The following LMBRD1 variants were observed in gnomAD, a reference collection of about 807,000 sequenced individuals.
LMBRD1 encodes the protein LMBR1 domain containing 1.
LMBRD1 carries 64 observed loss-of-function variants against 74.8 expected under a neutral mutation model. The ratio of observed to expected loss-of-function variants is 0.86; its 90% CI spans 0.70 to 1.05. The LOEUF (loss-of-function observed/expected upper bound fraction) is 1.05. Among genes scored for constraint, LMBRD1 ranks in the 50% least tolerant of loss-of-function variants. The probability of loss-of-function intolerance (pLI) is 0.00; values close to 1 mark genes in which losing one functional copy is unlikely to be tolerated. For synonymous variants in LMBRD1, 204 were observed against 216.3 expected, an observed-to-expected ratio of 0.94 and a Z score of 0.50; for missense variants, 652 against 645.9, an observed-to-expected ratio of 1.01 and a Z score of -0.10.
At chr6:69,731,751 A>C (rs1175374007) in intron 7 of LMBRD1, among the ~76,000 whole-genome samples, 1 of 152,130 alleles carries the variant, frequency 6.6e-6, no homozygotes, top group Non-Finnish European at 1.5e-5. Flanking sequence ...TGCATTTTCA[A>C]ACTGAAAATA....
intron 9 of LMBRD1, among the ~76,000 whole-genome samples, chr6:69,707,303 G>A (rs1236277544): frequency 6.6e-6 from 1 of 152,060 alleles, no homozygotes; most frequent in African/African-American, 2.4e-5. Context: ...ATTAGACTGA[G>A]CCCACCTGAA....
At chr6:69,769,819 T>C (rs943440902) in intron 3 of LMBRD1, among the ~76,000 whole-genome samples, 11 of 152,122 alleles carry the variant, frequency 7.2e-5, no homozygotes, top group African/African-American at 2.7e-4. Flanking sequence ...CCTGGCTTCC[T>C]AGGGATTGCT....
rs140084856 is a variant in LMBRD1, at chr6:69,757,034, T to C, written c.308-4678A>G. 3.5e-3 allele frequency among the ~76,000 whole-genome samples: 533 copies of C among 152,314 alleles called. 1 individual carries two copies. The highest frequency in any genetic ancestry group is 0.012 in the African/African-American group (515 of 41,566). ...TACAATAATGATGTTGAGAGAAATA[T>C]TATATGCAGTGATCAAAAACTGGAA... On this transcript the variant is annotated intron_variant, in intron 3 of 15. Coordinates refer to ENST00000649934, the MANE Select transcript of LMBRD1 (RefSeq NM_018368.4).
intron 5 of LMBRD1, among the ~76,000 whole-genome samples, chr6:69,747,126 T>C (rs1207758791): frequency 6.6e-6 from 1 of 151,258 alleles, no homozygotes; most frequent in Non-Finnish European, 1.5e-5. Flanking sequence ...TATTTGGATA[T>C]ACGTCATTTA....
At chr6:69,749,258 T>A in intron 5 of LMBRD1, 83 bp downstream of exon 5, 1 of 1,120,638 alleles carries the variant, frequency 8.9e-7, no homozygotes, top group East Asian at 2.5e-5. Context: ...CTTTCCTAGA[T>A]TTTTCTGAAT....
chr6:69,687,455 G>T (rs1344027622), intron 14 of LMBRD1, among the ~76,000 whole-genome samples: 3 of 152,132 alleles, frequency 2.0e-5, no homozygotes, highest in Admixed American at 6.5e-5. Context: ...CTAGCACCTA[G>T]AATAGTACCT....
At chr6:69,720,967 T>G (rs1219890373) in intron 7 of LMBRD1, among the ~76,000 whole-genome samples, 1 of 152,206 alleles carries the variant, frequency 6.6e-6, no homozygotes, top group Non-Finnish European at 1.5e-5. Flanking sequence ...GACTTTACAC[T>G]GAACTCAGTG....
chr6:69,695,647 A>T (rs1217374517), intron 14 of LMBRD1, among the ~76,000 whole-genome samples: 7 of 151,870 alleles, frequency 4.6e-5, no homozygotes, highest in Admixed American at 6.6e-5. Flanking sequence ...TGTTTTTTTT[A>T]AATTGTTTCT....
chr6:69,783,599 T>G (rs769408901), intron 2 of LMBRD1, among the ~76,000 whole-genome samples: 1 of 152,168 alleles, frequency 6.6e-6, no homozygotes, highest in Non-Finnish European at 1.5e-5. Context: ...GGTCTTGAAC[T>G]CCTGGACTCA....
intron 7 of LMBRD1, among the ~76,000 whole-genome samples, chr6:69,727,765 AAAG>A (rs1373812181): frequency 1.3e-4 from 19 of 151,544 alleles, no homozygotes; most frequent in African/African-American, 4.4e-4. Flanking sequence ...TGAAAAATAC[AAAG>A]AATAAAGCCT....
At chr6:69,794,333 A>G (rs1324785487) in intron 1 of LMBRD1, among the ~76,000 whole-genome samples, 1 of 152,254 alleles carries the variant, frequency 6.6e-6, no homozygotes, top group Non-Finnish European at 1.5e-5. Context: ...ACAAAGCAGC[A>G]TAAATTCATT....
chr6:69,777,551 G>A, intron 3 of LMBRD1, among the ~76,000 whole-genome samples: 1 of 151,616 alleles, frequency 6.6e-6, no homozygotes, highest in East Asian at 1.9e-4. Context: ...TTTATCAAAA[G>A]GCAGCTCACT....
At chr6:69,749,298 C>A (rs778638160) in intron 5 of LMBRD1, 43 bp downstream of exon 5, 64 of 1,320,164 alleles carry the variant, frequency 4.8e-5, no homozygotes, top group East Asian at 9.7e-5. Flanking sequence ...TCAAATAATT[C>A]TATTTCCATT....
intron 9 of LMBRD1, among the ~76,000 whole-genome samples, chr6:69,710,880 C>T (rs952095702): frequency 6.6e-6 from 1 of 152,030 alleles, no homozygotes; most frequent in Non-Finnish European, 1.5e-5. Context: ...CGGTTGTAAC[C>T]CTTTTGGAAA....
In LMBRD1 at chr6:69,700,456, T is replaced by C. The variant is rs576702013; in HGVS notation, c.1188+309A>G. ...TTTTAGGCTAGGTAAGTCTGCCCTA[T>C]GCACTACAGGATTTTTAATAGAATC... On this transcript the variant is annotated intron_variant, in intron 12 of 15. Transcript: ENST00000649934. 1.1e-4 allele frequency among the ~76,000 whole-genome samples: 17 copies of C among 151,956 alleles called. No individual in the cohort carries two copies. In the East Asian group the frequency reaches 3.1e-3, roughly 28 times the overall value.
At chr6:69,677,356 T>C (rs1402608560) in intron 14 of LMBRD1, among the ~76,000 whole-genome samples, 1 of 152,180 alleles carries the variant, frequency 6.6e-6, no homozygotes, top group African/African-American at 2.4e-5. Flanking sequence ...GTCATAGAAT[T>C]TCTTTATGGC....
chr6:69,796,907 G>C lies in LMBRD1; in HGVS notation c.-26C>G. The C allele has an allele frequency of 1.2e-6, 2 of 1,606,954 alleles. No homozygotes were observed. The highest frequency in any genetic ancestry group is 2.2e-5 in the South Asian group (2 of 90,758). ...CTTCGCTTCCGGTCCAGACCAACCT[G>C]AGCGCCCGGGGTGGGGAAAGGGGAG... On this transcript the variant is annotated 5_prime_UTR_variant, in exon 1 of 16. Coordinates refer to ENST00000649934, the MANE Select transcript of LMBRD1 (RefSeq NM_018368.4).
intron 2 of LMBRD1, among the ~76,000 whole-genome samples, chr6:69,787,289 A>C (rs1765972883): frequency 6.6e-6 from 1 of 152,192 alleles, no homozygotes; most frequent in South Asian, 2.1e-4. Flanking sequence ...TCCAGTTTCA[A>C]ATAAAAACTC....
intron 2 of LMBRD1, among the ~76,000 whole-genome samples, chr6:69,783,812 T>A (rs1024061990): frequency 6.6e-6 from 1 of 152,076 alleles, no homozygotes; most frequent in African/African-American, 2.4e-5. Context: ...ATGTCTCCAC[T>A]GAGAATCACT....
Sources: gnomAD v4.1 joint callset for allele counts (sites outside exome capture counted in the v4.1 genomes callset) on GRCh38, gnomAD v4.1.1 for gene constraint, MANE v1.5 for transcripts, NCBI Gene and HGNC (gene_info 2026-07-23, HGNC 2026-07-21) for gene names.